Variants in MAP4K3 observed in about 807,000 individuals in gnomAD.
The protein encoded by MAP4K3 is mitogen-activated protein kinase kinase kinase kinase 3.
Under a neutral mutation model 143.5 loss-of-function variants are expected in MAP4K3, and 94 were observed. The observed-to-expected ratio is 0.65, with a 90% CI of 0.55 to 0.78. MAP4K3 has a LOEUF of 0.78. Among genes scored for constraint, MAP4K3 ranks in the 30% least tolerant of loss-of-function variants. The pLI is 0.00. For synonymous variants in MAP4K3, 416 were observed against 347.2 expected (o/e 1.20, Z -2.20); for missense variants, 1,077 against 1,068.1 (o/e 1.01, Z -0.12).
intron 3 of MAP4K3, among the ~76,000 whole-genome samples, chr2:39,354,195 G>A (rs1173126963): frequency 1.3e-5 from 2 of 152,102 alleles, no homozygotes; most frequent in East Asian, 3.9e-4. Flanking sequence ...TGTAATCCCA[G>A]CACTTTGGGA....
intron 2 of MAP4K3, among the ~76,000 whole-genome samples, chr2:39,371,837 G>A (rs575452497): frequency 6.0e-5 from 9 of 150,870 alleles, no homozygotes; most frequent in South Asian, 2.1e-4. Flanking sequence ...ATATATATAC[G>A]TATACATACA....
intron 1 of MAP4K3, among the ~76,000 whole-genome samples, chr2:39,409,130 C>T (rs1462287970): frequency 6.6e-6 from 1 of 152,160 alleles, no homozygotes; most frequent in Non-Finnish European, 1.5e-5. Flanking sequence ...AGGATAGACA[C>T]TTATGATGAT....
Position 39,367,426 on chromosome 2 carries a change from G to C in MAP4K3, c.154+10640C>G, listed in dbSNP as rs1329850343. On this transcript the variant is annotated intron_variant, in intron 2 of 33. Coordinates refer to ENST00000263881, the MANE Select transcript of MAP4K3 (RefSeq NM_003618.4). Reference sequence around the variant, plus strand: ...ATGGTGGTGTGAGCCTGTAGTCGCAGCTACTTGGGAGGCTTAAATGGGAGG... The same window carrying C: ...ATGGTGGTGTGAGCCTGTAGTCGCACCTACTTGGGAGGCTTAAATGGGAGG... Among the ~76,000 whole-genome samples the C allele has an allele frequency of 2.6e-5, 4 of 152,152 alleles. No individual in the cohort carries two copies. In the East Asian group the frequency reaches 7.7e-4, roughly 29 times the overall value.
At chr2:39,346,880 G>T (rs1337270382) in intron 3 of MAP4K3, among the ~76,000 whole-genome samples, 1 of 151,816 alleles carries the variant, frequency 6.6e-6, no homozygotes, top group East Asian at 1.9e-4. Context: ...ACAATATTTG[G>T]AATGCTGCTT....
chr2:39,297,194 T>A (rs1286299742), intron 16 of MAP4K3, among the ~76,000 whole-genome samples: 1 of 152,042 alleles, frequency 6.6e-6, no homozygotes, highest in Admixed American at 6.5e-5. Flanking sequence ...CTCGGCTCAC[T>A]GCAACCACCG....
In MAP4K3 at chr2:39,325,747, CAGT is replaced by C. The variant is rs773676075; in HGVS notation, c.787_789del (p.Thr263del). 1.9e-6 allele frequency: 3 copies of C among 1,608,708 alleles called. No individual in the cohort carries two copies. The highest frequency in any genetic ancestry group is 2.5e-6 in the Non-Finnish European group (3 of 1,177,396). ...AATAATACCTGTAATAATTTTTCAG[CAGT>C]AGGTCTTTTTTTCGGATTTTTGGTA... On this transcript the variant is annotated inframe_deletion, in exon 11 of 34. Transcript: ENST00000263881.
At chr2:39,430,536 A>T (rs916706953) in intron 1 of MAP4K3, among the ~76,000 whole-genome samples, 1 of 152,176 alleles carries the variant, frequency 6.6e-6, no homozygotes, top group Non-Finnish European at 1.5e-5. Context: ...AATAAAAATT[A>T]AAAAAGAAAC....
At position 39,295,032 on chromosome 2, in the gene MAP4K3, G is replaced by C. The variant is rs1420310168; in HGVS notation, c.1179-1764C>G. Among the ~76,000 whole-genome samples the C allele has an allele frequency of 2.1e-5, 3 of 145,870 alleles. No homozygotes were observed. The East Asian group carries it at 6.0e-4, about 29-fold the overall frequency. On this transcript the variant is annotated intron_variant, in intron 16 of 33. Transcript: ENST00000263881. ...TCTTCTATTAAGGCAATGTTAACAA[G>C]ACTTGAAAAAAAAAAAAGTAAAACA...
chr2:39,337,752 GTTTTTTTTT>G (rs570853243), intron 4 of MAP4K3, among the ~76,000 whole-genome samples, 171 bp from the exon 5 acceptor site: 6 of 70,512 alleles, frequency 8.5e-5, no homozygotes, highest in African/African-American at 1.8e-4. Flanking sequence ...CCTGGCTCCA[GTTTTTTTTT>G]TTTTTTTTTT....
intron 23 of MAP4K3, among the ~76,000 whole-genome samples, chr2:39,279,340 C>G (rs1358117806): frequency 1.3e-5 from 2 of 152,152 alleles, no homozygotes; most frequent in African/African-American, 2.4e-5. Context: ...TAAACTGACC[C>G]TTTCTAGCAC....
chr2:39,398,293 T>TA (rs1344680303), intron 1 of MAP4K3, among the ~76,000 whole-genome samples: 12 of 149,728 alleles, frequency 8.0e-5, no homozygotes, highest in Admixed American at 6.6e-5. Flanking sequence ...TACTATATAG[T>TA]AAAAAAAGAA....
chr2:39,431,721 C>T (rs1665295413), intron 1 of MAP4K3, among the ~76,000 whole-genome samples: 1 of 152,164 alleles, frequency 6.6e-6, no homozygotes, highest in African/African-American at 2.4e-5. Context: ...AGGAGAAATA[C>T]ATAATAATAA....
At chr2:39,300,699 G>A (rs999044566) in intron 15 of MAP4K3, among the ~76,000 whole-genome samples, 5 of 152,176 alleles carry the variant, frequency 3.3e-5, no homozygotes, top group Non-Finnish European at 5.9e-5. Flanking sequence ...TCAGATTCAT[G>A]ATCAGGGCTT....
intron 4 of MAP4K3, among the ~76,000 whole-genome samples, chr2:39,341,542 G>C (rs961178491): frequency 7.2e-5 from 11 of 151,962 alleles, no homozygotes; most frequent in African/African-American, 2.7e-4. Context: ...TGTAGTCCCA[G>C]CTACTCAGGA....
intron 12 of MAP4K3, among the ~76,000 whole-genome samples, chr2:39,324,378 G>C (rs1418927406): frequency 6.6e-6 from 1 of 151,914 alleles, no homozygotes; most frequent in African/African-American, 2.4e-5. Flanking sequence ...TTGCACTCCA[G>C]CCTGGGTAAT....
intron 8 of MAP4K3, among the ~76,000 whole-genome samples, chr2:39,330,916 G>A (rs369591552): frequency 1.3e-5 from 2 of 152,158 alleles, no homozygotes; most frequent in East Asian, 3.8e-4. Flanking sequence ...ATTGAAAGAT[G>A]AATGAAGAGA....
intron 2 of MAP4K3, among the ~76,000 whole-genome samples, chr2:39,360,810 C>G (rs1222043451): frequency 6.6e-6 from 1 of 152,134 alleles, no homozygotes; most frequent in Non-Finnish European, 1.5e-5. Flanking sequence ...ATCACGAGAA[C>G]AGCAGCAGGG....
chr2:39,330,185 TAAA>T (rs1334754660), intron 8 of MAP4K3, among the ~76,000 whole-genome samples: 1 of 151,846 alleles, frequency 6.6e-6, no homozygotes, highest in Non-Finnish European at 1.5e-5. Context: ...GTACAATGAA[TAAA>T]AGTAAAAACA....
chr2:39,286,605 G>A (rs748813273), intron 21 of MAP4K3, among the ~76,000 whole-genome samples: 3 of 152,092 alleles, frequency 2.0e-5, no homozygotes, highest in Admixed American at 1.3e-4. Flanking sequence ...GTTTTATAAC[G>A]TACTACATAA....
Sources: allele counts gnomAD v4.1 joint callset (sites outside exome capture counted in the v4.1 genomes callset), GRCh38; gene constraint gnomAD v4.1.1; transcripts MANE v1.5; gene names NCBI Gene and HGNC (gene_info 2026-07-23, HGNC 2026-07-21).